ADCY7: variants seen among roughly 807,000 people sequenced by gnomAD.
ADCY7 encodes adenylate cyclase type 7.
In ADCY7, 72 loss-of-function variants were observed where a neutral mutation model predicts 120.6. The ratio of observed to expected loss-of-function variants is 0.60; its 90% CI spans 0.49 to 0.73. ADCY7 has a LOEUF of 0.73. Ranked by LOEUF, ADCY7 falls within the 30% of genes least tolerant of loss-of-function variation. The pLI is 0.00. For missense variants in ADCY7, 1,227 were observed against 1,486.0 expected (o/e 0.83, Z 2.87); for synonymous variants, 661 against 628.0 (o/e 1.05, Z -0.78).
At chr16:50,262,379 T>C (rs567039783), upstream of ADCY7, among the ~76,000 whole-genome samples, 3 of 151,802 alleles carry the variant, frequency 2.0e-5, no homozygotes, top group Non-Finnish European at 4.4e-5. Context: ...CACCTCAGCC[T>C]CCCGAGTAGC....
intron 3 of ADCY7, 66 bp from the exon 4 acceptor site, chr16:50,291,670 G>A: frequency 1.2e-6 from 2 of 1,600,676 alleles, no homozygotes; most frequent in Admixed American, 3.4e-5. Flanking sequence ...GTGGTGCAGG[G>A]TTCCGGGGGC....
chr16:50,257,554 G>A (rs1315793313), intron 1 of ADCY7, among the ~76,000 whole-genome samples: 1 of 151,734 alleles, frequency 6.6e-6, no homozygotes. Context: ...ACGTCACCTT[G>A]TATCCCATAA....
At chr16:50,254,845 A>G (rs1017072142) in intron 1 of ADCY7, among the ~76,000 whole-genome samples, 8 of 151,254 alleles carry the variant, frequency 5.3e-5, no homozygotes, top group African/African-American at 1.7e-4. Flanking sequence ...AGAAAAAACA[A>G]TTCTAAAATT....
chr16:50,247,808 G>T (rs1352821722), intron 1 of ADCY7, among the ~76,000 whole-genome samples: 2 of 152,222 alleles, frequency 1.3e-5, no homozygotes, highest in South Asian at 2.1e-4. Context: ...TCCTCTGCTC[G>T]TTCGGGATCC....
intron 1 of ADCY7, among the ~76,000 whole-genome samples, chr16:50,256,583 G>T (rs2032923971): frequency 6.6e-6 from 1 of 152,082 alleles, no homozygotes; most frequent in African/African-American, 2.4e-5. Context: ...TGCACCTGTA[G>T]TTCTACCTAG....
intron 6 of ADCY7, among the ~76,000 whole-genome samples, chr16:50,294,060 C>T (rs183650519): frequency 1.6e-4 from 24 of 152,236 alleles, no homozygotes; most frequent in South Asian, 4.1e-4. Context: ...AAGGCTGGCC[C>T]GCTGCCTTTT....
chr16:50,288,546 C>T (rs1175255260), intron 2 of ADCY7, among the ~76,000 whole-genome samples, 196 bp downstream of exon 2: 4 of 152,150 alleles, frequency 2.6e-5, no homozygotes, highest in African/African-American at 9.7e-5. Flanking sequence ...GGCATGATCT[C>T]GGCTCACTGC....
intron 1 of ADCY7, among the ~76,000 whole-genome samples, chr16:50,271,518 C>A (rs1298453963): frequency 1.3e-5 from 2 of 152,174 alleles, no homozygotes; most frequent in African/African-American, 4.8e-5. Context: ...GGACGGCTGA[C>A]CTTGGGCCTG....
intron 1 of ADCY7, among the ~76,000 whole-genome samples, chr16:50,253,964 T>C (rs1204909530): frequency 6.6e-6 from 1 of 152,144 alleles, no homozygotes; most frequent in Non-Finnish European, 1.5e-5. Context: ...TCTGTCTATC[T>C]GTCTGTCTCT....
chr16:50,289,681 G>C (rs1013003079), intron 2 of ADCY7, among the ~76,000 whole-genome samples: 1 of 152,162 alleles, frequency 6.6e-6, no homozygotes, highest in African/African-American at 2.4e-5. Context: ...GGCCAGGCTG[G>C]TCTCAAATTC....
At position 50,315,454 on chromosome 16, in the gene ADCY7, T is replaced by C. The variant is rs76144292; in HGVS notation, c.3192T>C (p.Thr1064=). Residue 1064 remains threonine (T), a synonymous_variant, in exon 26 of 26, where the codon ACT becomes ACC. Transcript: ENST00000673801. The part of the protein sequence containing the change: ...INVKGKGELR[T]YFVCTDTAKF... ...TCAAAGGCAAAGGCGAGCTGAGGAC[T>C]TACTTTGTCTGTACGGACACTGCCA... 2.9e-3 allele frequency: 4,739 copies of C among 1,614,142 alleles called. 107 individuals carry two copies. In the African/African-American group the frequency reaches 0.054, roughly 18 times the overall value.
chr16:50,278,996 C>T (rs1265108219), intron 1 of ADCY7, among the ~76,000 whole-genome samples: 3 of 151,966 alleles, frequency 2.0e-5, no homozygotes, highest in Admixed American at 6.6e-5. Flanking sequence ...CTCAGCCTCG[C>T]GAGTAGCTGG....
In ADCY7 at chr16:50,316,145, CTT is replaced by C. The variant is rs1724769926; in HGVS notation, c.*643_*644del. ...ATGGGGTTTTTATCCTTTTGAATGA[CTT>C]TTCAGACACTAGACATAAATCTCTT... On this transcript the variant is annotated 3_prime_UTR_variant, in exon 26 of 26. Transcript: ENST00000673801. 6.6e-6 allele frequency: 1 copy of C among 152,628 alleles called. No individual in the cohort carries two copies. The highest frequency in any genetic ancestry group is 2.4e-5 in the African/African-American group (1 of 41,450). 9.5% of individuals were successfully genotyped at this position (152,628 alleles called of 1,614,324 possible). A position where few individuals can be genotyped will look rare whatever the true frequency, so the allele number is the denominator to read the frequency against.
rs1195894248 is a variant in ADCY7, at chr16:50,290,671, C to T, written c.375+11C>T. The T allele has an allele frequency of 1.2e-6, 2 of 1,607,090 alleles. No homozygotes were observed. The highest frequency in any genetic ancestry group is 2.2e-5 in the South Asian group (2 of 90,732). On this transcript the variant is annotated intron_variant, in intron 3 of 25. Coordinates refer to ENST00000673801, the MANE Select transcript of ADCY7 (RefSeq NM_001114.5). ...TGTGCGTGGGAGCAGGTAACAGGAA[C>T]TCTGGACTCCCTGCCAGCTGCGCCT...
At chr16:50,280,765 A>G (rs2034209009) in intron 1 of ADCY7, among the ~76,000 whole-genome samples, 1 of 152,128 alleles carries the variant, frequency 6.6e-6, no homozygotes, top group Non-Finnish European at 1.5e-5. Context: ...CCCAGTCCCA[A>G]CTAGGCCAGA....
chr16:50,282,890 T>A lies in ADCY7; in HGVS notation c.-268-5022T>A, dbSNP rs370662099. Among the ~76,000 whole-genome samples the A allele has an allele frequency of 7.2e-5, 11 of 151,942 alleles. No homozygotes were observed. In the East Asian group the frequency reaches 7.7e-4, roughly 11 times the overall value. ...CAAGCCTGGCTAATTAAAAAAAAAATAAACAACTTTTTATAGCGATGGGGT... is the reference window on the plus strand; with the variant it reads ...CAAGCCTGGCTAATTAAAAAAAAAAAAAACAACTTTTTATAGCGATGGGGT... On this transcript the variant is annotated intron_variant, in intron 1 of 25. Transcript: ENST00000673801.
intron 1 of ADCY7, among the ~76,000 whole-genome samples, chr16:50,282,144 G>A (rs550815429): frequency 1.8e-4 from 27 of 152,354 alleles, no homozygotes; most frequent in African/African-American, 5.8e-4. Context: ...GCTGAGGCTC[G>A]GCCGGAGGAA....
At position 50,313,159 on chromosome 16, in the gene ADCY7, A is replaced by G. The variant is rs567667402; in HGVS notation, c.2751+123A>G. The G allele has an allele frequency of 2.2e-5, 30 of 1,359,746 alleles. No individual in the cohort carries two copies. In the African/African-American group the frequency reaches 3.3e-4, roughly 15 times the overall value. 84.2% of individuals were successfully genotyped at this position (1,359,746 alleles called of 1,614,324 possible). Reference sequence around the variant, plus strand: ...GACACAGAGCTGGGCAAGGTGGTCTATAATCCCAGCACTTTGGGAGGTCAA... The same window carrying G: ...GACACAGAGCTGGGCAAGGTGGTCTGTAATCCCAGCACTTTGGGAGGTCAA... On this transcript the variant is annotated intron_variant, in intron 22 of 25. Transcript: ENST00000673801.
At chr16:50,295,555 C>T (rs998466651) in intron 7 of ADCY7, among the ~76,000 whole-genome samples, 10 of 151,764 alleles carry the variant, frequency 6.6e-5, no homozygotes, top group African/African-American at 2.2e-4. Flanking sequence ...GTGTTCTTAG[C>T]AGGGGGAACA....
Sources: gnomAD v4.1 joint callset for allele counts (sites outside exome capture counted in the v4.1 genomes callset) on GRCh38, gnomAD v4.1.1 for gene constraint, MANE v1.5 for transcripts, NCBI Gene and HGNC (gene_info 2026-07-23, HGNC 2026-07-21) for gene names.